The following PTPRD variants were observed in gnomAD, a reference collection of about 807,000 sequenced individuals.
The protein encoded by PTPRD is protein tyrosine phosphatase receptor type D.
PTPRD carries 34 observed loss-of-function variants against 214.5 expected under a neutral mutation model. The observed-to-expected ratio is 0.16, with a 90% CI of 0.12 to 0.21. The LOEUF (loss-of-function observed/expected upper bound fraction) is 0.21, where lower values mean the gene tolerates loss of function less well. Among genes scored for constraint, PTPRD ranks in the 10% least tolerant of loss-of-function variants. The probability of loss-of-function intolerance (pLI) is 1.00; values close to 1 mark genes in which losing one functional copy is unlikely to be tolerated. For missense variants in PTPRD, 2,545 were observed against 2,398.7 expected, an observed-to-expected ratio of 1.06 and a Z score of -1.27; for synonymous variants, 1,128 against 845.7, an observed-to-expected ratio of 1.33 and a Z score of -5.79.
chr9:8,683,719 T>C (rs73425489), intron 12 of PTPRD, among the ~76,000 whole-genome samples: 3,581 of 152,252 alleles, frequency 0.024, 76 homozygotes, highest in African/African-American at 0.056. Flanking sequence ...GCACTGGCCA[T>C]AGAGTATGCT....
intron 5 of PTPRD, among the ~76,000 whole-genome samples, chr9:9,914,646 A>C (rs2080182361): frequency 6.6e-6 from 1 of 152,128 alleles, no homozygotes; most frequent in Non-Finnish European, 1.5e-5. Flanking sequence ...TAGGCAACCC[A>C]CAGCAAACAT....
intron 7 of PTPRD, among the ~76,000 whole-genome samples, chr9:9,651,312 G>A (rs1481737081): frequency 6.6e-6 from 1 of 152,020 alleles, no homozygotes; most frequent in African/African-American, 2.4e-5. Flanking sequence ...TATCATTGAG[G>A]GTTTGTTTTA....
At chr9:9,116,048 C>A (rs898100794) in intron 10 of PTPRD, among the ~76,000 whole-genome samples, 2 of 151,976 alleles carry the variant, frequency 1.3e-5, no homozygotes, top group African/African-American at 2.4e-5. Flanking sequence ...ATGGGAACAA[C>A]AGACACTGAG....
chr9:9,786,842 C>A (rs1290366732), intron 5 of PTPRD, among the ~76,000 whole-genome samples: 1 of 152,062 alleles, frequency 6.6e-6, no homozygotes, highest in East Asian at 1.9e-4. Context: ...TTATTAACTT[C>A]ATATTTTTAC....
rs182699555 is a variant in PTPRD, at chr9:10,288,601, A to T, written c.-545+52362T>A. The stretch of plus-strand genomic sequence containing the variant: ...ATGCAGGATCCTCTAGAGGCCAGGA[A>T]AGAACAGCAGGAGAATTTGCTTAAG... On this transcript the variant is annotated intron_variant, in intron 3 of 45. Coordinates refer to ENST00000381196, the MANE Select transcript of PTPRD (RefSeq NM_002839.4). Among the ~76,000 whole-genome samples the T allele has an allele frequency of 2.2e-3, 337 of 152,314 alleles. 1 individual carries two copies. Among genetic ancestry groups the T allele is most frequent in the Non-Finnish European group, 2.6e-3 (180 of 68,026 alleles).
intron 3 of PTPRD, among the ~76,000 whole-genome samples, chr9:10,212,750 A>C (rs148035400): frequency 1.3e-5 from 2 of 152,134 alleles, no homozygotes; most frequent in Admixed American, 6.6e-5. Flanking sequence ...TGTCAAGAGG[A>C]AGACAGTGAT....
intron 8 of PTPRD, among the ~76,000 whole-genome samples, chr9:9,403,630 C>A (rs1321175323): frequency 6.6e-6 from 1 of 151,978 alleles, no homozygotes; most frequent in Non-Finnish European, 1.5e-5. Context: ...TCAAACAAAT[C>A]AGTAAGTAAA....
chr9:8,746,944 G>A (rs938982373), intron 11 of PTPRD, among the ~76,000 whole-genome samples: 3 of 152,188 alleles, frequency 2.0e-5, no homozygotes, highest in Non-Finnish European at 4.4e-5. Flanking sequence ...GTAGGAATAG[G>A]TTCAGGAAGC....
chr9:9,902,951 T>C (rs1224025584), intron 5 of PTPRD, among the ~76,000 whole-genome samples: 1 of 152,170 alleles, frequency 6.6e-6, no homozygotes, highest in Non-Finnish European at 1.5e-5. Flanking sequence ...AATAAAACTG[T>C]AGCTCACTCT....
intron 10 of PTPRD, among the ~76,000 whole-genome samples, chr9:9,064,593 T>C (rs993893397): frequency 1.3e-5 from 2 of 152,202 alleles, no homozygotes; most frequent in African/African-American, 4.8e-5. Flanking sequence ...AAAAAGTCCA[T>C]TATATTCAAG....
At chr9:10,098,551 G>A (rs1007375540) in intron 3 of PTPRD, among the ~76,000 whole-genome samples, 4 of 151,634 alleles carry the variant, frequency 2.6e-5, no homozygotes, top group Non-Finnish European at 4.4e-5. Flanking sequence ...CTACTTGAGC[G>A]CACACTCTCA....
rs551517914 is a variant in PTPRD at position 8,315,547 on chromosome 9, C to A, written c.*2327G>T. The stretch of plus-strand genomic sequence containing the variant: ...CTAAAAGAAAATAATGATAACAGAC[C>A]CACATAGTGCACATTCTTCTCTGGT... On this transcript the variant is annotated 3_prime_UTR_variant, in exon 46 of 46. Transcript: ENST00000381196. The A allele has an allele frequency of 4.3e-5, 10 of 231,276 alleles. No homozygotes were observed. The East Asian group carries it at 5.5e-4, about 13-fold the overall frequency. 14.3% of individuals were successfully genotyped at this position (231,276 alleles called of 1,614,324 possible).
chr9:9,364,299 T>A (rs2057222444), intron 9 of PTPRD, among the ~76,000 whole-genome samples: 1 of 151,426 alleles, frequency 6.6e-6, no homozygotes, highest in Admixed American at 6.6e-5. Flanking sequence ...TGGATTACAG[T>A]AGTAAACAAA....
intron 8 of PTPRD, among the ~76,000 whole-genome samples, chr9:9,529,432 C>T (rs1228990560): frequency 6.6e-6 from 1 of 151,980 alleles, no homozygotes; most frequent in African/African-American, 2.4e-5. Context: ...TCTTATAACT[C>T]AATGTAAACC....
intron 11 of PTPRD, among the ~76,000 whole-genome samples, chr9:8,940,827 GTGA>G (rs5896286): frequency 0.52 from 72,602 of 139,830 alleles, 17,985 homozygotes; most frequent in East Asian, 0.77. Flanking sequence ...CAAAACATTA[GTGA>G]TGATGATGAT....
At chr9:10,126,466 G>GATAT (rs142958711) in intron 3 of PTPRD, among the ~76,000 whole-genome samples, 10 of 139,362 alleles carry the variant, frequency 7.2e-5, no homozygotes, top group Middle Eastern at 3.4e-3. Flanking sequence ...CACACACATT[G>GATAT]ATATATATAT....
intron 2 of PTPRD, among the ~76,000 whole-genome samples, chr9:10,486,231 G>C (rs1054263697): frequency 6.6e-6 from 1 of 152,066 alleles, no homozygotes; most frequent in African/African-American, 2.4e-5. Context: ...AATTGTTTCT[G>C]GGATTTTGTC....
At chr9:9,631,269 G>C (rs921235637) in intron 7 of PTPRD, among the ~76,000 whole-genome samples, 1 of 150,892 alleles carries the variant, frequency 6.6e-6, no homozygotes, top group Non-Finnish European at 1.5e-5. Flanking sequence ...TCTGGGTGGA[G>C]TATAGACTCT....
At chr9:8,902,015 A>G (rs1380104962) in intron 11 of PTPRD, among the ~76,000 whole-genome samples, 1 of 152,326 alleles carries the variant, frequency 6.6e-6, no homozygotes, top group East Asian at 1.9e-4. Context: ...AGAGTGTTCC[A>G]GTCAGCCTTT....
Sources: allele counts gnomAD v4.1 joint callset (sites outside exome capture counted in the v4.1 genomes callset), GRCh38; gene constraint gnomAD v4.1.1; transcripts MANE v1.5; gene names NCBI Gene and HGNC (gene_info 2026-07-23, HGNC 2026-07-21).